The following PLD5 variants were observed in gnomAD, a reference collection of about 807,000 sequenced individuals.
The protein encoded by PLD5 is phospholipase D family member 5.
A neutral mutation model predicts 61.1 loss-of-function variants in PLD5; 36 were observed. The observed-to-expected ratio is 0.59, with a 90% confidence interval of 0.45 to 0.78. The LOEUF (loss-of-function observed/expected upper bound fraction) is 0.78. Among genes scored for constraint, PLD5 ranks in the 30% least tolerant of loss-of-function variants. The pLI, the probability that PLD5 is intolerant of heterozygous loss-of-function variation, is 0.00. For missense variants in PLD5, 515 were observed against 644.4 expected (o/e 0.80, Z 2.17); for synonymous variants, 243 against 242.8 (o/e 1.00, Z -0.01).
intron 5 of PLD5, among the ~76,000 whole-genome samples, chr1:242,158,129 G>A (rs1315617017): frequency 1.3e-5 from 2 of 152,186 alleles, no homozygotes; most frequent in Admixed American, 1.3e-4. Flanking sequence ...ACCTAATCAA[G>A]CCTCAGCAAT....
At chr1:242,267,415 T>C (rs1369655906) in intron 3 of PLD5, among the ~76,000 whole-genome samples, 1 of 152,162 alleles carries the variant, frequency 6.6e-6, no homozygotes, top group African/African-American at 2.4e-5. Context: ...ACCTGTGCCA[T>C]GCATGGAGGC....
intron 7 of PLD5, among the ~76,000 whole-genome samples, chr1:242,109,656 C>T (rs1046515835): frequency 1.3e-5 from 2 of 152,222 alleles, no homozygotes; most frequent in African/African-American, 4.8e-5. Flanking sequence ...TTGGCTCATG[C>T]TGTCCCTTCC....
At chr1:242,119,047 G>A (rs540022590) in intron 6 of PLD5, among the ~76,000 whole-genome samples, 70 of 152,254 alleles carry the variant, frequency 4.6e-4, no homozygotes, top group Non-Finnish European at 8.5e-4. Context: ...TAGAAGAAGA[G>A]GGAAAATACA....
intron 2 of PLD5, among the ~76,000 whole-genome samples, chr1:242,317,115 C>T (rs1278280040): frequency 6.6e-6 from 1 of 151,636 alleles, no homozygotes; most frequent in Non-Finnish European, 1.5e-5. Context: ...TCAAGTAATT[C>T]TCCTGCCTCA....
intron 5 of PLD5, among the ~76,000 whole-genome samples, chr1:242,146,747 G>T (rs1232896363): frequency 1.3e-5 from 2 of 152,094 alleles, no homozygotes; most frequent in Non-Finnish European, 2.9e-5. Context: ...GCAGCTCGTC[G>T]ATATTCACTG....
chr1:242,350,927 G>C (rs1224808452), intron 1 of PLD5, among the ~76,000 whole-genome samples: 1 of 147,814 alleles, frequency 6.8e-6, no homozygotes, highest in Admixed American at 6.8e-5. Flanking sequence ...TTGAGACAGA[G>C]TTTCAATCTT....
chr1:242,398,609 C>T (rs907573209), intron 1 of PLD5, among the ~76,000 whole-genome samples: 3 of 152,164 alleles, frequency 2.0e-5, no homozygotes, highest in African/African-American at 7.2e-5. Flanking sequence ...AAAAAACAGA[C>T]TTGGGAGTTT....
rs1279874274 is a variant in PLD5, at chr1:242,492,349, T to TA, written c.189+31738dup. 9.6e-3 allele frequency among the ~76,000 whole-genome samples: 1,404 copies of TA among 145,632 alleles called. 20 individuals carry two copies. Among genetic ancestry groups the TA allele is most frequent in the African/African-American group, 0.032 (1,274 of 39,738 alleles). On this transcript the variant is annotated intron_variant, in intron 1 of 9. Transcript: ENST00000536534. ...CAACATAGTGAAACCCTGTCTCTAC[T>TA]AAAAAAAAAACAAATACTAAAAATT...
intron 2 of PLD5, among the ~76,000 whole-genome samples, chr1:242,324,137 T>G (rs1658600355): frequency 6.6e-6 from 1 of 151,772 alleles, no homozygotes; most frequent in South Asian, 2.1e-4. Context: ...CAAAGCAATT[T>G]GTTGTAAATG....
At chr1:242,268,324 A>G (rs1673835886) in intron 3 of PLD5, among the ~76,000 whole-genome samples, 1 of 152,156 alleles carries the variant, frequency 6.6e-6, no homozygotes, top group Admixed American at 6.5e-5. Flanking sequence ...GTAAGGCCCC[A>G]TGGTCAGTGG....
chr1:242,514,393 G>C (rs187226510), intron 1 of PLD5, among the ~76,000 whole-genome samples: 18 of 152,224 alleles, frequency 1.2e-4, no homozygotes, highest in Non-Finnish European at 2.1e-4. Context: ...TCCTTCTCTG[G>C]ACAAGGCATG....
At chr1:242,362,583 T>C (rs1661128667) in intron 1 of PLD5, among the ~76,000 whole-genome samples, 1 of 152,146 alleles carries the variant, frequency 6.6e-6, no homozygotes, top group Admixed American at 6.5e-5. Context: ...CCTAGTGATG[T>C]TCCCAAAGGA....
chr1:242,308,019 T>C (rs1461140828), intron 2 of PLD5, among the ~76,000 whole-genome samples: 3 of 152,226 alleles, frequency 2.0e-5, no homozygotes, highest in African/African-American at 7.2e-5. Context: ...CTAGGTATTA[T>C]AGACACAAGA....
intron 5 of PLD5, among the ~76,000 whole-genome samples, chr1:242,207,300 C>T (rs921381055): frequency 3.3e-5 from 5 of 152,146 alleles, no homozygotes; most frequent in East Asian, 1.9e-4. Flanking sequence ...GCCCGCTCCC[C>T]GCTTTCCCCA....
At chr1:242,092,402 T>C (rs1659906623) in intron 9 of PLD5, among the ~76,000 whole-genome samples, 1 of 152,174 alleles carries the variant, frequency 6.6e-6, no homozygotes, top group South Asian at 2.1e-4. Context: ...ATCACATGGT[T>C]AATCACTGGT....
At chr1:242,523,199 T>C (rs1669333917) in intron 1 of PLD5, among the ~76,000 whole-genome samples, 1 of 152,224 alleles carries the variant, frequency 6.6e-6, no homozygotes, top group Non-Finnish European at 1.5e-5. Context: ...TCTGCAGCTC[T>C]GCAGGGAGAA....
At position 242,182,254 on chromosome 1, in the gene PLD5, G is replaced by T. The variant is rs993557733; in HGVS notation, c.735+37734C>A. Among the ~76,000 whole-genome samples the T allele has an allele frequency of 2.0e-5, 3 of 152,144 alleles. No homozygotes were observed. The East Asian group carries it at 5.8e-4, about 29-fold the overall frequency. On this transcript the variant is annotated intron_variant, in intron 5 of 9. Transcript: ENST00000536534. Reference sequence around the variant, plus strand: ...TAACTCACAACTGCTCTGTCATTCAGGTTAAACTCAACAAGTAAAACTTTC... The same window carrying T: ...TAACTCACAACTGCTCTGTCATTCATGTTAAACTCAACAAGTAAAACTTTC...
At position 242,213,587 on chromosome 1, in the gene PLD5, A is replaced by G. The variant is rs980165683; in HGVS notation, c.735+6401T>C. The stretch of plus-strand genomic sequence containing the variant: ...TAAATATTATCAGAAATTACCAGGC[A>G]TATCAACTGGCTCTGCCCCACTTTA... On this transcript the variant is annotated intron_variant, in intron 5 of 9. Coordinates refer to ENST00000536534, the MANE Select transcript of PLD5 (RefSeq NM_001372062.1). Among the ~76,000 whole-genome samples, 7 of 152,154 alleles carry G rather than the reference A, an allele frequency of 4.6e-5. No individual in the cohort carries two copies. In the South Asian group the frequency reaches 6.2e-4, roughly 14 times the overall value.
chr1:242,230,524 G>A (rs1191327187), intron 4 of PLD5, among the ~76,000 whole-genome samples: 1 of 151,856 alleles, frequency 6.6e-6, no homozygotes, highest in Non-Finnish European at 1.5e-5. Context: ...CTGTTCTTGG[G>A]GGCTTTAATT....
Sources: allele counts gnomAD v4.1 joint callset (sites outside exome capture counted in the v4.1 genomes callset), GRCh38; gene constraint gnomAD v4.1.1; transcripts MANE v1.5; gene names NCBI Gene and HGNC (gene_info 2026-07-23, HGNC 2026-07-21).